Variants in RANBP9 observed in about 807,000 individuals in gnomAD.
The protein encoded by RANBP9 is RAN binding protein 9, also known as ran-binding protein 9.
RANBP9 carries 15 observed loss-of-function variants against 84.3 expected under a neutral mutation model. The observed-to-expected ratio is 0.18, with a 90% CI of 0.12 to 0.27. RANBP9 has a LOEUF of 0.27. Ranked by LOEUF, RANBP9 falls within the 10% of genes least tolerant of loss-of-function variation. The pLI, the probability that RANBP9 is intolerant of heterozygous loss-of-function variation, is 1.00. For synonymous variants in RANBP9, 392 were observed against 349.6 expected (o/e 1.12, Z -1.35); for missense variants, 809 against 912.8 (o/e 0.89, Z 1.46).
At chr6:13,691,473 T>C (rs1347759245) in intron 2 of RANBP9, among the ~76,000 whole-genome samples, 2 of 152,100 alleles carry the variant, frequency 1.3e-5, no homozygotes, top group African/African-American at 2.4e-5. Flanking sequence ...ACGTACACCA[T>C]AGGAATTAAA....
intron 2 of RANBP9, among the ~76,000 whole-genome samples, chr6:13,677,139 G>GA (rs1008598001): frequency 1.5e-4 from 23 of 152,018 alleles, no homozygotes; most frequent in Middle Eastern, 3.4e-3. Flanking sequence ...AAACCTCTTG[G>GA]AAAAAATAAG....
At chr6:13,697,370 T>C (rs952762568) in intron 1 of RANBP9, among the ~76,000 whole-genome samples, 10 of 152,232 alleles carry the variant, frequency 6.6e-5, no homozygotes, top group African/African-American at 2.4e-4. Flanking sequence ...CACAATTAGA[T>C]TGAATTGGCA....
At chr6:13,698,158 C>T (rs556772837) in intron 1 of RANBP9, among the ~76,000 whole-genome samples, 1 of 152,034 alleles carries the variant, frequency 6.6e-6, no homozygotes, top group Non-Finnish European at 1.5e-5. Context: ...CCACTCCCCC[C>T]ACAAAAAAAT....
chr6:13,681,820 G>A (rs910447152), intron 2 of RANBP9, among the ~76,000 whole-genome samples: 2 of 151,652 alleles, frequency 1.3e-5, no homozygotes, highest in Admixed American at 1.3e-4. Flanking sequence ...TACCTGAAGG[G>A]GGAAGAAAAA....
chr6:13,664,907 A>G (rs1434971625), intron 2 of RANBP9, among the ~76,000 whole-genome samples: 1 of 152,206 alleles, frequency 6.6e-6, no homozygotes, highest in East Asian at 1.9e-4. Flanking sequence ...TACTGGCTTA[A>G]GGATCAACAA....
At chr6:13,624,804 T>C (rs1317139578) in intron 13 of RANBP9, among the ~76,000 whole-genome samples, 1 of 152,160 alleles carries the variant, frequency 6.6e-6, no homozygotes, top group East Asian at 1.9e-4. Flanking sequence ...TTTTATTGGG[T>C]AAGGGCATGT....
chr6:13,629,705 G>A (rs1034042847), intron 12 of RANBP9, among the ~76,000 whole-genome samples: 1 of 152,094 alleles, frequency 6.6e-6, no homozygotes, highest in Admixed American at 6.5e-5. Flanking sequence ...TCAATAAACA[G>A]CTGCTCAACA....
At chr6:13,692,490 G>A (rs1016637932) in intron 2 of RANBP9, among the ~76,000 whole-genome samples, 5 of 117,184 alleles carry the variant, frequency 4.3e-5, no homozygotes, top group East Asian at 2.9e-4. Flanking sequence ...TCACACCATC[G>A]CACTCCAGCC....
At chr6:13,627,446 A>G (rs1310227455) in intron 12 of RANBP9, among the ~76,000 whole-genome samples, 1 of 151,966 alleles carries the variant, frequency 6.6e-6, no homozygotes, top group Non-Finnish European at 1.5e-5. Flanking sequence ...CCTAGCCAAC[A>G]TGGTGAAACC....
intron 12 of RANBP9, among the ~76,000 whole-genome samples, chr6:13,630,493 G>C (rs1764747829): frequency 6.7e-6 from 1 of 149,174 alleles, no homozygotes; most frequent in East Asian, 1.9e-4. Context: ...AGATGACCTA[G>C]TGTAAAAAAA....
chr6:13,628,239 T>C lies in RANBP9; in HGVS notation c.1948-2475A>G, dbSNP rs577901842. Among the ~76,000 whole-genome samples, 3 of 152,332 alleles carry C rather than the reference T, an allele frequency of 2.0e-5. No individual in the cohort carries two copies. In the South Asian group the frequency reaches 6.2e-4, roughly 32 times the overall value. ...GAAGAAAAAACATCTAAAATTTTTC[T>C]CTGGTATTTCATTTTCAGTACAGTT... On this transcript the variant is annotated intron_variant, in intron 12 of 13. Transcript: ENST00000011619.
intron 6 of RANBP9, among the ~76,000 whole-genome samples, chr6:13,642,840 G>A (rs1765098086): frequency 6.6e-6 from 1 of 152,084 alleles, no homozygotes; most frequent in Non-Finnish European, 1.5e-5. Flanking sequence ...AATATTACTT[G>A]AGAATCAAGG....
chr6:13,648,883 ATAATT>A (rs767652747), intron 5 of RANBP9, among the ~76,000 whole-genome samples: 4 of 152,240 alleles, frequency 2.6e-5, no homozygotes, highest in East Asian at 1.9e-4. Flanking sequence ...TGCAACTATC[ATAATT>A]TAATTGTATA....
At chr6:13,684,794 C>T (rs1368047130) in intron 2 of RANBP9, among the ~76,000 whole-genome samples, 1 of 152,152 alleles carries the variant, frequency 6.6e-6, no homozygotes, top group East Asian at 1.9e-4. Flanking sequence ...AGGGGAAGTA[C>T]AAGATGCTGT....
At chr6:13,694,358 G>C (rs1766392128) in intron 2 of RANBP9, among the ~76,000 whole-genome samples, 1 of 152,172 alleles carries the variant, frequency 6.6e-6, no homozygotes, top group Non-Finnish European at 1.5e-5. Flanking sequence ...CAACAGGGAG[G>C]AATCTCGAAT....
At chr6:13,652,505 G>A (rs189693119) in intron 5 of RANBP9, among the ~76,000 whole-genome samples, 154 bp downstream of exon 5, 99 of 152,282 alleles carry the variant, frequency 6.5e-4, no homozygotes, top group African/African-American at 2.3e-3. Context: ...CTACACCCAA[G>A]GTGGTTAGAG....
At chr6:13,644,418 CAAT>C in intron 6 of RANBP9, 124 bp downstream of exon 6, 1 of 889,314 alleles carries the variant, frequency 1.1e-6, no homozygotes, top group Non-Finnish European at 1.6e-6. Context: ...AGATTAAAAT[CAAT>C]AATATAATAG....
At chr6:13,649,827 C>T (rs925947439) in intron 5 of RANBP9, among the ~76,000 whole-genome samples, 1 of 152,170 alleles carries the variant, frequency 6.6e-6, no homozygotes, top group African/African-American at 2.4e-5. Flanking sequence ...AAAATCCATT[C>T]CAATCAGGAT....
chr6:13,684,739 G>C (rs926850667), intron 2 of RANBP9, among the ~76,000 whole-genome samples: 2 of 152,142 alleles, frequency 1.3e-5, no homozygotes, highest in African/African-American at 4.8e-5. Context: ...TAACGGGTAG[G>C]ACAGATCTTA....
Sources: gnomAD v4.1 joint callset for allele counts (sites outside exome capture counted in the v4.1 genomes callset) on GRCh38, gnomAD v4.1.1 for gene constraint, MANE v1.5 for transcripts, NCBI Gene and HGNC (gene_info 2026-07-23, HGNC 2026-07-21) for gene names.